The following FAM53B variants were observed in gnomAD, a reference collection of about 807,000 sequenced individuals.
FAM53B encodes the protein family with sequence similarity 53 member B.
Under a neutral mutation model 32.7 loss-of-function variants are expected in FAM53B, and 12 were observed. The observed-to-expected ratio is 0.37, with a 90% CI of 0.24 to 0.59. FAM53B has a LOEUF of 0.59. Ranked by LOEUF, FAM53B falls within the 20% of genes least tolerant of loss-of-function variation. FAM53B has a pLI of 0.72. For missense variants in FAM53B, 477 were observed against 577.7 expected (o/e 0.83, Z 1.79); for synonymous variants, 234 against 228.7 (o/e 1.02, Z -0.21).
intron 4 of FAM53B, among the ~76,000 whole-genome samples, chr10:124,650,766 C>T (rs1344841057): frequency 6.6e-6 from 1 of 152,122 alleles, no homozygotes; most frequent in Non-Finnish European, 1.5e-5. Flanking sequence ...TTCCCCAGTA[C>T]AATGTCCCCA....
chr10:124,723,485 C>T (rs866622869), intron 1 of FAM53B, among the ~76,000 whole-genome samples: 24 of 152,222 alleles, frequency 1.6e-4, no homozygotes, highest in African/African-American at 5.3e-4. Context: ...AGCACAAAAA[C>T]CCCTGTATCT....
intron 3 of FAM53B, among the ~76,000 whole-genome samples, chr10:124,688,442 T>C (rs749659120): frequency 2.0e-5 from 3 of 152,204 alleles, no homozygotes; most frequent in Non-Finnish European, 2.9e-5. Flanking sequence ...CATTTGTGTG[T>C]AGCGTAAACA....
At chr10:124,702,852 T>C (rs578250870) in intron 2 of FAM53B, among the ~76,000 whole-genome samples, 1 of 152,210 alleles carries the variant, frequency 6.6e-6, no homozygotes, top group East Asian at 1.9e-4. Flanking sequence ...CATGAATGGC[T>C]TGGTGGCCTC....
intron 4 of FAM53B, among the ~76,000 whole-genome samples, chr10:124,643,063 G>A (rs533629372): frequency 1.3e-5 from 2 of 152,284 alleles, no homozygotes; most frequent in East Asian, 3.9e-4. Context: ...TGATCTTAAA[G>A]AAAGAAAAGA....
intron 4 of FAM53B, chr10:124,671,215 A>G (rs903252515): frequency 2.2e-6 from 1 of 453,672 alleles, no homozygotes. Context: ...CATTTCCAAC[A>G]TTCACAGAAC....
In FAM53B at chr10:124,682,233, T is replaced by C; in HGVS notation, c.280A>G (p.Lys94Glu). 6.2e-7 allele frequency: 1 copy of C among 1,614,008 alleles called. No homozygotes were observed. Among genetic ancestry groups the C allele is most frequent in the South Asian group, 1.1e-5 (1 of 91,058 alleles). ...VTACAVTSLI[K>E]DLSISDHNGN... Reference sequence around the variant, plus strand: ...TTGTGGTCGCTGATGCTGAGGTCTTTGATCAGACTGGTCACAGCGCAGGCG... The same window carrying C: ...TTGTGGTCGCTGATGCTGAGGTCTTCGATCAGACTGGTCACAGCGCAGGCG... The change falls in exon 4 of 5, where the codon AAA (lysine) becomes GAA (glutamate). Residue 94 changes from lysine to glutamate, a missense_variant. This residue lies in a region of FAM53B where 312 missense variants were observed against 420.2 expected (regional missense o/e 0.74). Transcript: ENST00000337318. This position sits in a 1 kb window ranked among gnomAD's most constrained non-coding sequence, Gnocchi z 5.2.
chr10:124,703,177 T>G (rs920475152), intron 2 of FAM53B, among the ~76,000 whole-genome samples: 2 of 152,176 alleles, frequency 1.3e-5, no homozygotes, highest in African/African-American at 4.8e-5. Flanking sequence ...CCCAAGTAGC[T>G]GGGACTACAG....
intron 1 of FAM53B, among the ~76,000 whole-genome samples, chr10:124,729,279 T>C (rs963035516): frequency 4.6e-5 from 7 of 152,142 alleles, no homozygotes; most frequent in African/African-American, 1.7e-4. Context: ...CAGGACACCA[T>C]TCCAGGAGTG....
At chr10:124,694,043 A>C (rs1949852115) in intron 3 of FAM53B, among the ~76,000 whole-genome samples, 1 of 152,236 alleles carries the variant, frequency 6.6e-6, no homozygotes, top group Non-Finnish European at 1.5e-5. Context: ...GACCAACAGA[A>C]AGATGAGACC....
At chr10:124,706,520 T>C in intron 2 of FAM53B, 116 bp downstream of exon 2, 3 of 1,321,854 alleles carry the variant, frequency 2.3e-6, no homozygotes, top group Admixed American at 1.7e-5. Flanking sequence ...CACAGAGCTT[T>C]GCTCTTGGGG....
chr10:124,704,566 G>T (rs1403676693), intron 2 of FAM53B, among the ~76,000 whole-genome samples: 1 of 152,212 alleles, frequency 6.6e-6, no homozygotes, highest in Non-Finnish European at 1.5e-5. Context: ...AGGGCTCCAG[G>T]CCAAGGAAAA....
intron 4 of FAM53B, among the ~76,000 whole-genome samples, chr10:124,665,742 A>G (rs967841218): frequency 2.6e-5 from 4 of 152,218 alleles, no homozygotes; most frequent in Non-Finnish European, 5.9e-5. Flanking sequence ...TGTGACCTCC[A>G]GGAGGCCAGG....
chr10:124,645,075 ACCAGGTTTAG>A (rs1460110876), intron 4 of FAM53B, among the ~76,000 whole-genome samples: 1 of 152,212 alleles, frequency 6.6e-6, no homozygotes, highest in Non-Finnish European at 1.5e-5. Flanking sequence ...CAAAGTCATG[ACCAGGTTTAG>A]CCTCAAGCAA....
In FAM53B at chr10:124,678,232, G is replaced by C. The variant is rs79392740; in HGVS notation, c.906+3375C>G. On this transcript the variant is annotated intron_variant, in intron 4 of 4. Transcript: ENST00000337318. ...CCCACACCCTCCCTCCAAGTCCTGCGACTGTGACGATGATCATAAGTATCT... is the reference window on the plus strand; with the variant it reads ...CCCACACCCTCCCTCCAAGTCCTGCCACTGTGACGATGATCATAAGTATCT... Among the ~76,000 whole-genome samples the C allele has an allele frequency of 1.8e-4, 28 of 152,280 alleles. No individual in the cohort carries two copies. The East Asian group carries it at 5.0e-3, about 27-fold the overall frequency.
At chr10:124,715,850 G>T (rs1950035769) in intron 1 of FAM53B, among the ~76,000 whole-genome samples, 1 of 152,172 alleles carries the variant, frequency 6.6e-6, no homozygotes, top group Non-Finnish European at 1.5e-5. Flanking sequence ...CCTGTAGGTG[G>T]GGGCACTACA....
intron 4 of FAM53B, among the ~76,000 whole-genome samples, chr10:124,672,760 T>A (rs1949714101): frequency 1.3e-5 from 2 of 151,982 alleles, no homozygotes; most frequent in Admixed American, 6.6e-5. Flanking sequence ...CAGGAAAGGG[T>A]AAGGAATGGG....
chr10:124,669,829 T>C lies in FAM53B; in HGVS notation c.906+11778A>G, dbSNP rs183202338. On this transcript the variant is annotated intron_variant, in intron 4 of 4. Transcript: ENST00000337318. ...GGCCTCGGCACTCCCTTTTCTTCCC[T>C]GGAAAGTAGAACAGGAGGAGCCCCT... Among the ~76,000 whole-genome samples the C allele has an allele frequency of 7.3e-4, 109 of 149,052 alleles. 1 individual carries two copies. In the East Asian group the frequency reaches 0.014, roughly 20 times the overall value.
At chr10:124,694,340 G>A (rs558847611) in intron 3 of FAM53B, among the ~76,000 whole-genome samples, 3 of 152,246 alleles carry the variant, frequency 2.0e-5, no homozygotes, top group Non-Finnish European at 4.4e-5. Context: ...GGGCTCTGCA[G>A]CCTCCGATAG....
chr10:124,706,962 G>A (rs1439279136), intron 1 of FAM53B, 75 bp from the exon 2 acceptor site: 3 of 1,317,400 alleles, frequency 2.3e-6, no homozygotes, highest in Non-Finnish European at 3.0e-6. Context: ...CCCTCCCACA[G>A]TACTGGAAAT....
Sources: gnomAD v4.1 joint callset for allele counts (sites outside exome capture counted in the v4.1 genomes callset) on GRCh38, gnomAD v4.1.1 for gene constraint, gnomAD v4.1.1 regional missense constraint, Gnocchi (gnomAD v3.1) non-coding constraint, MANE v1.5 for transcripts, NCBI Gene and HGNC (gene_info 2026-07-23, HGNC 2026-07-21) for gene names.